The following GRIP1 variants were observed in gnomAD, a reference collection of about 807,000 sequenced individuals.
GRIP1 encodes glutamate receptor-interacting protein 1.
Under a neutral mutation model 129.9 loss-of-function variants are expected in GRIP1, and 45 were observed. The ratio of observed to expected loss-of-function variants is 0.35; its 90% CI spans 0.27 to 0.44. The LOEUF is 0.44. Ranked by LOEUF, GRIP1 falls within the 20% of genes least tolerant of loss-of-function variation. GRIP1 has a pLI of 1.00. For missense variants in GRIP1, 1,196 were observed against 1,396.8 expected (o/e 0.86, Z 2.29); for synonymous variants, 530 against 520.8 (o/e 1.02, Z -0.24).
intron 1 of GRIP1, among the ~76,000 whole-genome samples, chr12:66,674,496 A>G (rs911458612): frequency 2.0e-5 from 3 of 152,360 alleles, no homozygotes; most frequent in Admixed American, 1.3e-4. Flanking sequence ...GAGTTTCTAA[A>G]TAGAAGAACT....
chr12:67,005,280 G>A (rs1592456117), intron 1 of GRIP1, among the ~76,000 whole-genome samples: 1 of 152,140 alleles, frequency 6.6e-6, no homozygotes, highest in South Asian at 2.1e-4. Flanking sequence ...TAAATTTGGA[G>A]CATAGAAAAG....
chr12:66,802,315 C>T (rs983437701), intron 1 of GRIP1, among the ~76,000 whole-genome samples: 2 of 152,110 alleles, frequency 1.3e-5, no homozygotes, highest in African/African-American at 4.8e-5. Context: ...ACAGGAAAAA[C>T]ATGTCAGTTT....
chr12:67,019,223 A>G lies in GRIP1; in HGVS notation c.58+49827T>C, dbSNP rs905423334. On this transcript the variant is annotated intron_variant, in intron 1 of 1. Coordinates refer to the GRIP1 transcript ENST00000643019. ...CAGCTGGCACAATACACACGCACGA[A>G]TATGCGTCTACAGGAGAAACAGGCA... Among the ~76,000 whole-genome samples, 4 of 152,302 alleles carry G rather than the reference A, an allele frequency of 2.6e-5. No individual in the cohort carries two copies. In the South Asian group the frequency reaches 8.3e-4, roughly 32 times the overall value.
intron 14 of GRIP1, among the ~76,000 whole-genome samples, chr12:66,422,543 A>G (rs541778114): frequency 6.6e-6 from 1 of 152,188 alleles, no homozygotes; most frequent in Admixed American, 6.6e-5. Context: ...GCCAAGCTGT[A>G]GTAACCATCA....
chr12:66,577,770 C>A (rs2063192608), intron 2 of GRIP1, among the ~76,000 whole-genome samples: 1 of 151,874 alleles, frequency 6.6e-6, no homozygotes, highest in Non-Finnish European at 1.5e-5. Context: ...GGCAACATGG[C>A]AAGATTGTGT....
intron 1 of GRIP1, among the ~76,000 whole-genome samples, chr12:66,909,534 G>A (rs1486821448): frequency 6.6e-6 from 1 of 152,158 alleles, no homozygotes. Flanking sequence ...TCAGTTTAAG[G>A]CTTCTTCCCT....
At chr12:66,631,120 T>C (rs2030732365) in intron 1 of GRIP1, among the ~76,000 whole-genome samples, 1 of 152,090 alleles carries the variant, frequency 6.6e-6, no homozygotes, top group South Asian at 2.1e-4. Flanking sequence ...GTATTTATAG[T>C]AGAGAAGGGG....
chr12:67,057,169 G>A (rs1433652543), intron 1 of GRIP1, among the ~76,000 whole-genome samples: 1 of 152,014 alleles, frequency 6.6e-6, no homozygotes, highest in Admixed American at 6.6e-5. Context: ...CTAACCCCCT[G>A]TGTGGTTGCA....
intron 1 of GRIP1, among the ~76,000 whole-genome samples, chr12:66,788,018 G>C (rs775699290): frequency 6.6e-6 from 1 of 151,950 alleles, no homozygotes; most frequent in African/African-American, 2.4e-5. Context: ...CGGGTTCCAG[G>C]GGTGGGGAAG....
chr12:66,795,444 G>A (rs1011928277), intron 1 of GRIP1, among the ~76,000 whole-genome samples: 3 of 152,170 alleles, frequency 2.0e-5, no homozygotes, highest in Non-Finnish European at 2.9e-5. Flanking sequence ...TTCACAAAAT[G>A]TTTGCCACTG....
intron 19 of GRIP1, among the ~76,000 whole-genome samples, chr12:66,382,831 G>A (rs781267045): frequency 6.6e-6 from 1 of 152,228 alleles, no homozygotes; most frequent in Non-Finnish European, 1.5e-5. Context: ...CATAGAAAGT[G>A]AGTTCTAGTA....
chr12:66,987,455 C>T (rs1349160007), intron 1 of GRIP1, among the ~76,000 whole-genome samples: 1 of 152,198 alleles, frequency 6.6e-6, no homozygotes, highest in Non-Finnish European at 1.5e-5. Flanking sequence ...CTCTCTCCTT[C>T]CACACAAGTC....
At chr12:66,948,929 C>T (rs1328782745) in intron 1 of GRIP1, among the ~76,000 whole-genome samples, 1 of 152,044 alleles carries the variant, frequency 6.6e-6, no homozygotes, top group African/African-American at 2.4e-5. Context: ...TCATTTTAAA[C>T]CAATGTTAGA....
At chr12:66,436,974 CAAAAAAAA>C (rs71069003) in intron 13 of GRIP1, among the ~76,000 whole-genome samples, 4 of 113,546 alleles carry the variant, frequency 3.5e-5, no homozygotes, top group Admixed American at 9.4e-5. Flanking sequence ...ACTCTGTCTC[CAAAAAAAA>C]AAAAAAAAAA....
At chr12:66,767,725 G>A (rs1216808787) in intron 1 of GRIP1, among the ~76,000 whole-genome samples, 7 of 152,128 alleles carry the variant, frequency 4.6e-5, no homozygotes, top group Non-Finnish European at 8.8e-5. Context: ...TAATTTACAC[G>A]TGACTCAATT....
intron 23 of GRIP1, among the ~76,000 whole-genome samples, chr12:66,355,914 A>T (rs2054467245): frequency 6.6e-6 from 1 of 152,166 alleles, no homozygotes; most frequent in African/African-American, 2.4e-5. Context: ...AGAGAAAGAG[A>T]GTGTGAACTA....
intron 1 of GRIP1, among the ~76,000 whole-genome samples, chr12:66,704,127 T>C (rs866202017): frequency 6.6e-6 from 1 of 152,108 alleles, no homozygotes; most frequent in African/African-American, 2.4e-5. Context: ...ATTGACTAAC[T>C]ACTCCAAAAT....
At chr12:66,923,926 C>T (rs1319095422) in intron 1 of GRIP1, among the ~76,000 whole-genome samples, 1 of 152,106 alleles carries the variant, frequency 6.6e-6, no homozygotes, top group Non-Finnish European at 1.5e-5. Flanking sequence ...CTCACTGCAG[C>T]CTCCGCCTCC....
In GRIP1 at chr12:67,060,862, AGCTGCAAGAATTTTTTCT is replaced by A. The variant is rs1327682319; in HGVS notation, c.58+8170_58+8187del. Among the ~76,000 whole-genome samples, 80 of 146,756 alleles carry A rather than the reference AGCTGCAAGAATTTTTTCT, an allele frequency of 5.5e-4. 1 individual carries two copies. The highest frequency in any genetic ancestry group is 2.0e-3 in the African/African-American group (77 of 38,242). On this transcript the variant is annotated intron_variant, in intron 1 of 1. Transcript: ENST00000643019. ...AAAAAAAAATGTGTTGGCAGTGGAG[AGCTGCAAGAATTTTTTCT>A]CCCTTCAAAAGGTTCCAAACATCAT...
Sources: gnomAD v4.1 joint callset for allele counts (sites outside exome capture counted in the v4.1 genomes callset) on GRCh38, gnomAD v4.1.1 for gene constraint, MANE v1.5 for transcripts, NCBI Gene and HGNC (gene_info 2026-07-23, HGNC 2026-07-21) for gene names.